FBXO34: variants seen among roughly 807,000 people sequenced by gnomAD.
FBXO34 encodes the protein F-box protein 34.
Under a neutral mutation model 24.5 loss-of-function variants are expected in FBXO34, and 12 were observed. The observed-to-expected ratio is 0.49, with a 90% CI of 0.31 to 0.79. FBXO34 has a LOEUF of 0.79. FBXO34 is among the 30% of genes least tolerant of loss of function. The pLI is 0.04. For synonymous variants in FBXO34, 320 were observed against 311.9 expected, an observed-to-expected ratio of 1.03 and a Z score of -0.27; for missense variants, 823 against 857.7, an observed-to-expected ratio of 0.96 and a Z score of 0.51.
chr14:55,382,368 A>G, the FBXO34 span, among the ~76,000 whole-genome samples: 1 of 152,194 alleles, frequency 6.6e-6, no homozygotes, highest in African/African-American at 2.4e-5. Context: ...CATGGAGCGC[A>G]GTGACAGATG....
chr14:55,391,087 G>GAA, the FBXO34 span: 1 of 795,022 alleles, frequency 1.3e-6, no homozygotes, highest in Non-Finnish European at 2.0e-6. Context: ...AGATATGTCA[G>GAA]AAAACATAAT....
chr14:55,301,041 A>G (rs1366318440), intron 1 of FBXO34, among the ~76,000 whole-genome samples: 1 of 152,236 alleles, frequency 6.6e-6, no homozygotes, highest in Non-Finnish European at 1.5e-5. Flanking sequence ...GTAAGGTGAA[A>G]TGACAGTGAA....
rs767327611 is a variant in FBXO34 at position 55,351,430 on chromosome 14, C to G, written c.1040C>G (p.Ser347Cys). ...DTQVNPVGSV[S>C]VDCGPSRADR... ...CAGGTGAATCCTGTGGGGTCTGTATCTGTGGATTGTGGCCCTTCAAGAGCT... is the reference window on the plus strand; with the variant it reads ...CAGGTGAATCCTGTGGGGTCTGTATGTGTGGATTGTGGCCCTTCAAGAGCT... Residue 347 changes from serine (S) to cysteine (C), a missense_variant, in exon 2 of 2, where the codon TCT becomes TGT. Ser to Cys is a moderately radical substitution (Grantham distance 112). This residue lies in a region of FBXO34 where 693 missense variants were observed against 659.1 expected (regional missense o/e 1.05). Transcript: ENST00000313833. The G allele has an allele frequency of 1.9e-6, 3 of 1,614,088 alleles. No individual in the cohort carries two copies. The highest frequency in any genetic ancestry group is 2.5e-6 in the Non-Finnish European group (3 of 1,180,050).
chr14:55,380,875 A>ATATATT, the FBXO34 span, among the ~76,000 whole-genome samples: 63 of 112,690 alleles, frequency 5.6e-4, no homozygotes, highest in African/African-American at 2.1e-3. Context: ...ATATATATAT[A>ATATATT]TTTTTTTTTT....
At chr14:55,400,401 C>A in the FBXO34 span, among the ~76,000 whole-genome samples, 1 of 152,118 alleles carries the variant, frequency 6.6e-6, no homozygotes, top group Non-Finnish European at 1.5e-5. Context: ...ATCTTGGTCT[C>A]TTTTTCCATG....
At chr14:55,319,387 A>G (rs1160491782) in intron 1 of FBXO34, among the ~76,000 whole-genome samples, 1 of 152,170 alleles carries the variant, frequency 6.6e-6, no homozygotes, top group African/African-American at 2.4e-5. Flanking sequence ...CCAGTTGCCA[A>G]ATTTTATTAA....
At chr14:55,372,909 C>T (rs145412109), downstream of FBXO34, among the ~76,000 whole-genome samples, 11 of 152,254 alleles carry the variant, frequency 7.2e-5, no homozygotes, top group African/African-American at 2.6e-4. Flanking sequence ...CAGCTAAGTA[C>T]AATGAAAAGC....
chr14:55,301,897 C>T (rs1882368400), intron 1 of FBXO34, among the ~76,000 whole-genome samples: 1 of 152,194 alleles, frequency 6.6e-6, no homozygotes, highest in African/African-American at 2.4e-5. Flanking sequence ...CTCCCCATGC[C>T]TACTCTTCTG....
downstream of FBXO34, chr14:55,369,989 A>G: frequency 6.8e-7 from 1 of 1,480,876 alleles, no homozygotes; most frequent in Non-Finnish European, 9.1e-7. Context: ...AAAATATGCC[A>G]TCTTCCTGAA....
At position 55,287,525 on chromosome 14, in the gene FBXO34, C is replaced by T. The variant is rs73263908; in HGVS notation, c.-11+15988C>T. Among the ~76,000 whole-genome samples, 1,419 of 152,254 alleles carry T rather than the reference C, an allele frequency of 9.3e-3. 31 individuals carry two copies. The highest frequency in any genetic ancestry group is 0.033 in the African/African-American group (1,368 of 41,534). Reference sequence around the variant, plus strand: ...AGGGTAACTAAGCACAATAGCATCACCAGAATATGTGTATCTGCTGTTAAG... The same window carrying T: ...AGGGTAACTAAGCACAATAGCATCATCAGAATATGTGTATCTGCTGTTAAG... On this transcript the variant is annotated intron_variant, in intron 1 of 1. Transcript: ENST00000313833.
chr14:55,314,318 C>T (rs759192911), intron 1 of FBXO34, among the ~76,000 whole-genome samples: 2 of 152,198 alleles, frequency 1.3e-5, no homozygotes, highest in Non-Finnish European at 2.9e-5. Context: ...ATCAGTTTCT[C>T]ACAACTTAAG....
At chr14:55,333,580 G>A (rs1883671585) in intron 1 of FBXO34, among the ~76,000 whole-genome samples, 1 of 152,016 alleles carries the variant, frequency 6.6e-6, no homozygotes, top group African/African-American at 2.4e-5. Flanking sequence ...AAACTTAACA[G>A]GATATAGTTT....
Position 55,352,547 on chromosome 14 carries a change from A to T in FBXO34, c.*21A>T. On this transcript the variant is annotated 3_prime_UTR_variant, in exon 2 of 2. Transcript: ENST00000313833. ...ACTAAAGTCCATGTGAGAGGCAACA[A>T]AAGGACCGGTTTCTAAAGCTGCAAA... The T allele has an allele frequency of 6.4e-7, 1 of 1,564,150 alleles. No homozygotes were observed. Among genetic ancestry groups the T allele is most frequent in the Middle Eastern group, 2.0e-4 (1 of 4,982 alleles).
intron 1 of FBXO34, among the ~76,000 whole-genome samples, chr14:55,343,767 CCTT>C (rs1363145903): frequency 6.6e-6 from 1 of 152,184 alleles, no homozygotes; most frequent in Non-Finnish European, 1.5e-5. Flanking sequence ...GAAATATCGT[CCTT>C]TCTCCTTTTC....
intron 1 of FBXO34, among the ~76,000 whole-genome samples, chr14:55,335,940 G>A (rs1315733256): frequency 6.6e-6 from 1 of 152,024 alleles, no homozygotes; most frequent in African/African-American, 2.4e-5. Flanking sequence ...CTTCCTACAT[G>A]ACTGAATGTA....
At chr14:55,378,060 T>G in the FBXO34 span, 1 of 1,612,980 alleles carries the variant, frequency 6.2e-7, no homozygotes, top group South Asian at 1.1e-5. Flanking sequence ...GCTTAGATTT[T>G]CGCCACAAAA....
the FBXO34 span, among the ~76,000 whole-genome samples, chr14:55,404,171 A>G: frequency 4.6e-5 from 7 of 152,216 alleles, no homozygotes; most frequent in Admixed American, 3.9e-4. Context: ...TAAGTTTTCC[A>G]TTTTAAGACA....
the FBXO34 span, among the ~76,000 whole-genome samples, chr14:55,376,561 G>A: frequency 2.6e-5 from 4 of 152,144 alleles, no homozygotes; most frequent in Non-Finnish European, 4.4e-5. Flanking sequence ...AACTATCTGA[G>A]GTGGGGAGGG....
chr14:55,415,532 G>A, the FBXO34 span, among the ~76,000 whole-genome samples: 2 of 152,140 alleles, frequency 1.3e-5, no homozygotes, highest in Non-Finnish European at 2.9e-5. Context: ...TTGCCAAAAG[G>A]TGGAAACAGC....
Sources: allele counts gnomAD v4.1 joint callset (sites outside exome capture counted in the v4.1 genomes callset), GRCh38; gene constraint gnomAD v4.1.1; regional missense constraint gnomAD v4.1.1; transcripts MANE v1.5; gene names NCBI Gene and HGNC (gene_info 2026-07-23, HGNC 2026-07-21).